The following PLCG2 variants were observed in gnomAD, a reference collection of about 807,000 sequenced individuals.
PLCG2 encodes phospholipase C gamma 2.
A neutral mutation model predicts 175.6 loss-of-function variants in PLCG2; 69 were observed. The observed-to-expected ratio is 0.39, with a 90% confidence interval of 0.32 to 0.48. The LOEUF is 0.48. Ranked by LOEUF, PLCG2 falls within the 20% of genes least tolerant of loss-of-function variation. The pLI is 0.91. For synonymous variants in PLCG2, 827 were observed against 624.0 expected, an observed-to-expected ratio of 1.33 and a Z score of -4.85; for missense variants, 1,798 against 1,650.9, an observed-to-expected ratio of 1.09 and a Z score of -1.54.
rs1911666602 is a variant in PLCG2, at chr16:81,958,569, G to C, written c.*571G>C. On this transcript the variant is annotated 3_prime_UTR_variant, in exon 33 of 33. Transcript: ENST00000564138. The stretch of plus-strand genomic sequence containing the variant: ...CTGCAGTCCACAAGAAAATGGCTGA[G>C]TGATGGGATCTGTTCATTAAGACAA... 4.3e-6 allele frequency: 1 copy of C among 231,096 alleles called. No homozygotes were observed. The highest frequency in any genetic ancestry group is 5.6e-5 in the Admixed American group (1 of 17,792). The allele number at this position is 231,096 out of a possible 1,614,324, so 14.3% of individuals were successfully genotyped here. A position where few individuals can be genotyped will look rare whatever the true frequency, so the allele number is the denominator to read the frequency against.
intron 9 of PLCG2, chr16:81,883,636 C>T (rs2143577472): frequency 4.4e-6 from 2 of 457,614 alleles, no homozygotes; most frequent in East Asian, 4.3e-5. Context: ...GGGGTGAGGG[C>T]CTGAGGATGG....
At chr16:81,928,928 C>T (rs867706863) in intron 24 of PLCG2, 6 of 322,092 alleles carry the variant, frequency 1.9e-5, no homozygotes, top group South Asian at 1.0e-4. Flanking sequence ...GTTTCCCATG[C>T]GTTGCGAAGG....
intron 2 of PLCG2, among the ~76,000 whole-genome samples, chr16:81,814,514 G>T (rs1457091847): frequency 6.6e-6 from 1 of 152,102 alleles, no homozygotes; most frequent in Non-Finnish European, 1.5e-5. Flanking sequence ...CCAAAATGGT[G>T]AAATCCCATC....
At chr16:81,837,226 A>G (rs940983951) in intron 2 of PLCG2, among the ~76,000 whole-genome samples, 2 of 152,244 alleles carry the variant, frequency 1.3e-5, no homozygotes, top group African/African-American at 4.8e-5. Flanking sequence ...GTGTGATCAA[A>G]TGAAAGGCTG....
chr16:81,826,479 C>G (rs191891202), intron 2 of PLCG2, among the ~76,000 whole-genome samples: 2 of 152,216 alleles, frequency 1.3e-5, no homozygotes, highest in African/African-American at 2.4e-5. Flanking sequence ...AGTCTCCTCA[C>G]TGATAAAATC....
intron 31 of PLCG2, among the ~76,000 whole-genome samples, chr16:81,946,944 A>G (rs1911175788): frequency 1.3e-5 from 2 of 152,020 alleles, no homozygotes; most frequent in African/African-American, 4.8e-5. Context: ...TCCCCAGCTC[A>G]CTGAAGATCT....
chr16:81,921,507 G>A lies in PLCG2; in HGVS notation c.2307+238G>A, dbSNP rs570188167. ...GTGTTTTGCTAAAATTCTGAGGTTT[G>A]ACGAACCACCTTTGGGCCAAATGGC... On this transcript the variant is annotated intron_variant, in intron 21 of 32. Transcript: ENST00000564138. 1.6e-4 allele frequency: 86 copies of A among 531,492 alleles called. No homozygotes were observed. In the South Asian group the frequency reaches 1.6e-3, roughly 10 times the overall value. 32.9% of individuals were successfully genotyped at this position (531,492 alleles called of 1,614,324 possible).
intron 2 of PLCG2, among the ~76,000 whole-genome samples, chr16:81,843,468 A>T (rs967987083): frequency 7.9e-5 from 12 of 152,194 alleles, no homozygotes; most frequent in African/African-American, 2.9e-4. Flanking sequence ...ACAAGCGCTG[A>T]TGCATTACCA....
chr16:81,783,032 A>G (rs1325124148), intron 1 of PLCG2: 1 of 437,590 alleles, frequency 2.3e-6, no homozygotes, highest in East Asian at 7.1e-5. Flanking sequence ...TCGAAGCTGG[A>G]AGTAACTGGG....
intron 31 of PLCG2, among the ~76,000 whole-genome samples, chr16:81,950,285 T>G (rs1420552840): frequency 6.6e-6 from 1 of 152,148 alleles, no homozygotes; most frequent in African/African-American, 2.4e-5. Flanking sequence ...GAAGGAAAAG[T>G]TAACATCAAT....
intron 2 of PLCG2, among the ~76,000 whole-genome samples, chr16:81,764,465 A>G (rs981815267): frequency 4.6e-5 from 7 of 152,130 alleles, no homozygotes; most frequent in African/African-American, 9.7e-5. Context: ...GGAAAGTGCA[A>G]TTGCCCACAG....
At chr16:81,801,193 A>G (rs1675068630) in intron 2 of PLCG2, among the ~76,000 whole-genome samples, 1 of 152,182 alleles carries the variant, frequency 6.6e-6, no homozygotes, top group Non-Finnish European at 1.5e-5. Flanking sequence ...CAACCCCGCA[A>G]CCAACTTAGA....
At chr16:81,899,063 C>T (rs993705638) in intron 13 of PLCG2, among the ~76,000 whole-genome samples, 39 of 152,064 alleles carry the variant, frequency 2.6e-4, no homozygotes, top group Non-Finnish European at 3.4e-4. Context: ...CTGGCAGATA[C>T]CTGTAATCTC....
chr16:81,888,394 AT>A (rs1046105074), intron 9 of PLCG2, among the ~76,000 whole-genome samples: 8 of 137,500 alleles, frequency 5.8e-5, no homozygotes, highest in South Asian at 2.4e-4. Flanking sequence ...GAAAAAAAAA[AT>A]GTTTGTATTT....
intron 2 of PLCG2, among the ~76,000 whole-genome samples, chr16:81,805,762 GTTTTGTTTT>G (rs1481114061): frequency 2.6e-5 from 1 of 38,910 alleles, no homozygotes; most frequent in Non-Finnish European, 5.5e-5. Context: ...GTAGTGTTTT[GTTTTGTTTT>G]TTTTTTTTTT....
chr16:81,937,703 A>G, intron 27 of PLCG2, 55 bp from the exon 28 acceptor site: 5 of 1,541,322 alleles, frequency 3.2e-6, no homozygotes, highest in Admixed American at 1.8e-5. Context: ...CTCCTGGCCT[A>G]GGGGGCCAGC....
At chr16:81,877,322 G>A (rs1272067934) in intron 7 of PLCG2, among the ~76,000 whole-genome samples, 3 of 152,096 alleles carry the variant, frequency 2.0e-5, no homozygotes, top group African/African-American at 7.2e-5. Flanking sequence ...TGGGCATAGT[G>A]GCGGGTGCCT....
chr16:81,900,728 G>A lies in PLCG2; in HGVS notation c.1310G>A (p.Ser437Asn). Residue 437 changes from serine to asparagine, a missense_variant, in exon 14 of 33, where the codon AGT becomes AAT. By Grantham distance (46) the Ser-to-Asn change is conservative. Coordinates refer to ENST00000564138, the MANE Select transcript of PLCG2 (RefSeq NM_002661.5). ...DLLLTKPTEA[S>N]ADQLPSPSQL... The stretch of plus-strand genomic sequence containing the variant: ...CTGTTGACGAAGCCCACGGAGGCCA[G>A]TGCTGACCAGCTGCCCTCGCCCAGC... The A allele has an allele frequency of 6.2e-7, 1 of 1,611,832 alleles. No individual in the cohort carries two copies. Among genetic ancestry groups the A allele is most frequent in the Non-Finnish European group, 8.5e-7 (1 of 1,178,022 alleles).
chr16:81,910,833 A>T, intron 18 of PLCG2, 113 bp downstream of exon 18: 1 of 963,380 alleles, frequency 1.0e-6, no homozygotes, highest in Non-Finnish European at 1.6e-6. Flanking sequence ...CCCTCTCCCC[A>T]GCCCACCGGC....
Sources: gnomAD v4.1 joint callset for allele counts (sites outside exome capture counted in the v4.1 genomes callset) on GRCh38, gnomAD v4.1.1 for gene constraint, MANE v1.5 for transcripts, NCBI Gene and HGNC (gene_info 2026-07-23, HGNC 2026-07-21) for gene names.